Variants in SYNDIG1 observed in about 807,000 individuals in gnomAD.
The protein encoded by SYNDIG1 is synapse differentiation inducing 1.
A neutral mutation model predicts 19.4 loss-of-function variants in SYNDIG1; 9 were observed. The observed-to-expected ratio is 0.46, with a 90% CI of 0.28 to 0.81. The LOEUF (loss-of-function observed/expected upper bound fraction) is 0.81, where lower values mean the gene tolerates loss of function less well. Among genes scored for constraint, SYNDIG1 ranks in the 30% least tolerant of loss-of-function variants. The pLI, the probability that SYNDIG1 is intolerant of heterozygous loss-of-function variation, is 0.12. For missense variants in SYNDIG1, 311 were observed against 343.3 expected (o/e 0.91, Z 0.74); for synonymous variants, 141 against 145.9 (o/e 0.97, Z 0.24).
intron 1 of SYNDIG1, chr20:24,491,628 G>A (rs192934058): frequency 1.2e-4 from 19 of 152,270 alleles, no homozygotes; most frequent in African/African-American, 4.1e-4. Context: ...TCCCTCAGTG[G>A]CTTCCAGGTG....
At chr20:24,477,318 C>G (rs2055658394) in intron 1 of SYNDIG1, among the ~76,000 whole-genome samples, 1 of 151,426 alleles carries the variant, frequency 6.6e-6, no homozygotes, top group African/African-American at 2.5e-5. Flanking sequence ...ATAGCCCGTC[C>G]TCAAACACAC....
At chr20:24,605,624 TAACTTGTTCTAGTGTATAAATGAACA>T (rs1158137789) in intron 3 of SYNDIG1, among the ~76,000 whole-genome samples, 1 of 152,252 alleles carries the variant, frequency 6.6e-6, no homozygotes, top group Non-Finnish European at 1.5e-5. Context: ...TTACTGATTT[TAACTTGTTCTAGTGTATAAATGAACA>T]AATACATCAT....
chr20:24,533,085 G>A (rs1216925266), intron 1 of SYNDIG1, among the ~76,000 whole-genome samples: 2 of 152,120 alleles, frequency 1.3e-5, no homozygotes, highest in African/African-American at 4.8e-5. Context: ...CGCCTTCTGA[G>A]ACTGCTCTGG....
At chr20:24,469,785 G>C (rs1026188666) in intron 1 of SYNDIG1, 32 bp downstream of exon 1, 1 of 151,922 alleles carries the variant, frequency 6.6e-6, no homozygotes, top group South Asian at 2.1e-4. Flanking sequence ...GCGGGGGCGG[G>C]CGGAGGGGCC....
intron 2 of SYNDIG1, among the ~76,000 whole-genome samples, chr20:24,581,470 T>C (rs75042797): frequency 0.035 from 5,277 of 152,168 alleles, 273 homozygotes; most frequent in African/African-American, 0.12. Context: ...CTGGCTCTGC[T>C]GCTTTCAGGA....
chr20:24,570,705 A>G (rs1440569322), intron 2 of SYNDIG1, among the ~76,000 whole-genome samples: 4 of 152,208 alleles, frequency 2.6e-5, no homozygotes, highest in Non-Finnish European at 5.9e-5. Context: ...TGCCGGTGGG[A>G]ATGCAAACTG....
chr20:24,573,376 C>G (rs769819820), intron 2 of SYNDIG1, among the ~76,000 whole-genome samples: 5 of 152,052 alleles, frequency 3.3e-5, no homozygotes, highest in Non-Finnish European at 5.9e-5. Flanking sequence ...TGTGTGATGC[C>G]CACTCCCTAC....
intron 2 of SYNDIG1, among the ~76,000 whole-genome samples, chr20:24,569,812 TG>T (rs2058111581): frequency 6.6e-6 from 1 of 152,174 alleles, no homozygotes; most frequent in Non-Finnish European, 1.5e-5. Context: ...GATGAAGCGA[TG>T]GGTGGATAAG....
intron 3 of SYNDIG1, among the ~76,000 whole-genome samples, chr20:24,596,357 TAATTA>T (rs2058594182): frequency 6.6e-6 from 1 of 151,802 alleles, no homozygotes; most frequent in Non-Finnish European, 1.5e-5. Flanking sequence ...ATTCAAGAGA[TAATTA>T]AATGTGAAAT....
Position 24,629,839 on chromosome 20 carries a change from C to T in SYNDIG1, c.619-35507C>T, listed in dbSNP as rs149897983. 5.0e-4 allele frequency among the ~76,000 whole-genome samples: 76 copies of T among 152,348 alleles called. No homozygotes were observed. In the East Asian group the frequency reaches 0.012, roughly 23 times the overall value. On this transcript the variant is annotated intron_variant, in intron 3 of 3. Transcript: ENST00000376862. ...GGTAGACCAGAGTGAGGAGCCCAGGCAGCTTCCGGAACTGAGATATTATCA... is the reference window on the plus strand; with the variant it reads ...GGTAGACCAGAGTGAGGAGCCCAGGTAGCTTCCGGAACTGAGATATTATCA...
intron 2 of SYNDIG1, among the ~76,000 whole-genome samples, chr20:24,577,208 G>A (rs1321612805): frequency 2.6e-5 from 4 of 152,312 alleles, no homozygotes; most frequent in African/African-American, 9.6e-5. Context: ...TCACACATTG[G>A]GGGTTCTCAG....
At chr20:24,624,000 C>T (rs1371770757) in intron 3 of SYNDIG1, among the ~76,000 whole-genome samples, 1 of 152,150 alleles carries the variant, frequency 6.6e-6, no homozygotes, top group Non-Finnish European at 1.5e-5. Context: ...CGGTGGCTCA[C>T]ACCTGTAATC....
intron 3 of SYNDIG1, among the ~76,000 whole-genome samples, chr20:24,586,530 G>A (rs141546972): frequency 2.8e-3 from 425 of 152,328 alleles, no homozygotes; most frequent in Non-Finnish European, 5.4e-3. Flanking sequence ...AGAGCCTGCT[G>A]TGCCACATAA....
intron 2 of SYNDIG1, among the ~76,000 whole-genome samples, chr20:24,568,822 A>C (rs2058094489): frequency 6.6e-6 from 1 of 152,244 alleles, no homozygotes; most frequent in Non-Finnish European, 1.5e-5. Flanking sequence ...CTCTTTTGGA[A>C]GATTCACTTC....
At chr20:24,622,384 C>T (rs1339012198) in intron 3 of SYNDIG1, among the ~76,000 whole-genome samples, 1 of 152,124 alleles carries the variant, frequency 6.6e-6, no homozygotes, top group Non-Finnish European at 1.5e-5. Context: ...TGGAACAATA[C>T]AAAATAGTGT....
chr20:24,521,475 A>G (rs1231861406), intron 1 of SYNDIG1, among the ~76,000 whole-genome samples: 1 of 152,118 alleles, frequency 6.6e-6, no homozygotes, highest in East Asian at 1.9e-4. Context: ...CTTGTCTTCC[A>G]CCGTGGCCAC....
chr20:24,484,843 T>C (rs1255298678), intron 1 of SYNDIG1, among the ~76,000 whole-genome samples: 1 of 152,188 alleles, frequency 6.6e-6, no homozygotes, highest in African/African-American at 2.4e-5. Context: ...CCACCAAAAC[T>C]CATGTTGAAA....
chr20:24,613,026 G>A (rs2058873773), intron 3 of SYNDIG1, among the ~76,000 whole-genome samples: 1 of 152,252 alleles, frequency 6.6e-6, no homozygotes, highest in African/African-American at 2.4e-5. Context: ...CTGCGTCTCT[G>A]GGAGATGGCA....
At chr20:24,558,928 A>G (rs2057880127) in intron 2 of SYNDIG1, among the ~76,000 whole-genome samples, 1 of 152,236 alleles carries the variant, frequency 6.6e-6, no homozygotes, top group Admixed American at 6.5e-5. Flanking sequence ...TTTAAAAATT[A>G]TAACAAGGAA....
Sources: gnomAD v4.1 joint callset for allele counts (sites outside exome capture counted in the v4.1 genomes callset) on GRCh38, gnomAD v4.1.1 for gene constraint, MANE v1.5 for transcripts, NCBI Gene and HGNC (gene_info 2026-07-23, HGNC 2026-07-21) for gene names.